Variants in ANKRD12 observed in about 807,000 individuals in gnomAD.
ANKRD12 encodes the protein ankyrin repeat domain 12.
A neutral mutation model predicts 183.4 loss-of-function variants in ANKRD12; 85 were observed. The observed-to-expected ratio is 0.46, with a 90% CI of 0.39 to 0.56. ANKRD12 has a LOEUF of 0.56. ANKRD12 is among the 20% of genes least tolerant of loss of function. ANKRD12 has a pLI of 0.00. For missense variants in ANKRD12, 2,405 were observed against 2,357.1 expected (o/e 1.02, Z -0.42); for synonymous variants, 914 against 800.2 (o/e 1.14, Z -2.40).
At chr18:9,241,542 G>GGT (rs1250078344) in intron 8 of ANKRD12, among the ~76,000 whole-genome samples, 2 of 152,108 alleles carry the variant, frequency 1.3e-5, no homozygotes, top group African/African-American at 4.8e-5. Flanking sequence ...CATCAAGTTT[G>GGT]GTGTTCAGCA....
chr18:9,196,733 A>ATT (rs2034849135), intron 3 of ANKRD12, among the ~76,000 whole-genome samples: 1 of 152,192 alleles, frequency 6.6e-6, no homozygotes, highest in Non-Finnish European at 1.5e-5. Context: ...AATTGTTCTT[A>ATT]AACACTCATG....
intron 7 of ANKRD12, among the ~76,000 whole-genome samples, chr18:9,220,141 A>G (rs1010288333): frequency 4.6e-5 from 7 of 152,236 alleles, no homozygotes; most frequent in African/African-American, 1.4e-4. Context: ...TCATTCTTAA[A>G]TAATTTGTTA....
At chr18:9,280,714 A>G (rs555110855) in intron 12 of ANKRD12, among the ~76,000 whole-genome samples, 2 of 152,126 alleles carry the variant, frequency 1.3e-5, no homozygotes, top group East Asian at 3.9e-4. Flanking sequence ...GCTTGAACCC[A>G]GGAGGCGGAG....
At chr18:9,154,551 G>T (rs1396804379) in intron 1 of ANKRD12, among the ~76,000 whole-genome samples, 1 of 152,124 alleles carries the variant, frequency 6.6e-6, no homozygotes, top group Non-Finnish European at 1.5e-5. Flanking sequence ...AGTGAAACTC[G>T]TCTCTTAAAA....
intron 8 of ANKRD12, among the ~76,000 whole-genome samples, chr18:9,250,812 A>C (rs2038248805): frequency 6.6e-6 from 1 of 152,214 alleles, no homozygotes; most frequent in Non-Finnish European, 1.5e-5. Context: ...GAGATTTTAA[A>C]ATTTGAATAG....
chr18:9,190,005 G>A (rs2034353654), intron 2 of ANKRD12, among the ~76,000 whole-genome samples: 1 of 152,196 alleles, frequency 6.6e-6, no homozygotes, highest in African/African-American at 2.4e-5. Context: ...TGATTCCTCT[G>A]ATGGATTTGG....
At chr18:9,175,206 A>G (rs1241586619) in intron 1 of ANKRD12, among the ~76,000 whole-genome samples, 1 of 152,160 alleles carries the variant, frequency 6.6e-6, no homozygotes, top group African/African-American at 2.4e-5. Flanking sequence ...AGTGATCTCA[A>G]AATAGACTTT....
At chr18:9,152,670 T>G (rs911531469) in intron 1 of ANKRD12, among the ~76,000 whole-genome samples, 1 of 152,122 alleles carries the variant, frequency 6.6e-6, no homozygotes, top group Non-Finnish European at 1.5e-5. Context: ...AAAAATTTTT[T>G]TCTGCCTTCT....
chr18:9,252,166 G>A (rs2038334655), intron 8 of ANKRD12, among the ~76,000 whole-genome samples: 1 of 152,154 alleles, frequency 6.6e-6, no homozygotes, highest in African/African-American at 2.4e-5. Context: ...AACATTTTTT[G>A]AAGAGTTACT....
chr18:9,201,011 G>A (rs2035132930), intron 3 of ANKRD12, among the ~76,000 whole-genome samples: 1 of 152,260 alleles, frequency 6.6e-6, no homozygotes, highest in East Asian at 1.9e-4. Flanking sequence ...GGACAAAAGT[G>A]TCTTTTTCCT....
rs199871702 is a variant in ANKRD12, at chr18:9,281,146, G to T, written c.*20G>T. On this transcript the variant is annotated 3_prime_UTR_variant, in exon 13 of 13. Transcript: ENST00000262126. ...ATATAGCAGTCAGTACTTCCTGATG[G>T]TATTGTCCTAAACTGGTGATGCTCA... The T allele has an allele frequency of 4.4e-4, 700 of 1,602,126 alleles. 3 individuals carry two copies. In the Middle Eastern group the frequency reaches 5.3e-3, roughly 12 times the overall value.
Position 9,138,537 on chromosome 18 carries a change from CAAACAA to C in ANKRD12, c.-52+1574_-52+1579del, listed in dbSNP as rs575250315. Among the ~76,000 whole-genome samples, 267 of 152,246 alleles carry C rather than the reference CAAACAA, an allele frequency of 1.8e-3. 2 individuals carry two copies. Among genetic ancestry groups the C allele is most frequent in the African/African-American group, 6.2e-3 (258 of 41,548 alleles). ...GCAAAAACATACCAAAACAAACAAA[CAAACAA>C]ACAAAAAAACATATGCTCAAGTAGG... On this transcript the variant is annotated intron_variant, in intron 1 of 12. Transcript: ENST00000262126.
chr18:9,222,139 C>T, intron 8 of ANKRD12, 140 bp downstream of exon 8: 1 of 1,055,894 alleles, frequency 9.5e-7, no homozygotes. Flanking sequence ...AGCTAACTAG[C>T]TAAGAATGAT....
intron 1 of ANKRD12, among the ~76,000 whole-genome samples, chr18:9,181,823 G>A (rs959218026): frequency 1.3e-5 from 2 of 152,036 alleles, no homozygotes; most frequent in East Asian, 3.9e-4. Context: ...GAACAAATTG[G>A]AAATAAAATA....
intron 3 of ANKRD12, among the ~76,000 whole-genome samples, chr18:9,199,103 G>A (rs998298441): frequency 5.3e-5 from 8 of 152,150 alleles, no homozygotes; most frequent in African/African-American, 1.9e-4. Flanking sequence ...GACCAGATTG[G>A]CCAGCAGAGT....
At chr18:9,185,843 G>A (rs1462862362) in intron 2 of ANKRD12, among the ~76,000 whole-genome samples, 1 of 152,202 alleles carries the variant, frequency 6.6e-6, no homozygotes, top group Non-Finnish European at 1.5e-5. Context: ...GAGGAAAGAT[G>A]AGGCCATTGA....
At chr18:9,142,001 GTCC>G (rs2078332188) in intron 1 of ANKRD12, among the ~76,000 whole-genome samples, 1 of 152,072 alleles carries the variant, frequency 6.6e-6, no homozygotes, top group Non-Finnish European at 1.5e-5. Flanking sequence ...ACCTCAAACA[GTCC>G]TCCTGCTTCA....
chr18:9,140,451 C>G (rs1468804816), intron 1 of ANKRD12, among the ~76,000 whole-genome samples: 2 of 152,112 alleles, frequency 1.3e-5, no homozygotes, highest in African/African-American at 4.8e-5. Context: ...GTCTGACTTT[C>G]CCTGGAGAAT....
At chr18:9,168,018 A>G (rs1000046153) in intron 1 of ANKRD12, among the ~76,000 whole-genome samples, 4 of 152,132 alleles carry the variant, frequency 2.6e-5, no homozygotes, top group Admixed American at 6.6e-5. Context: ...GCTGGCTTAC[A>G]TTTATTGATT....
Sources: gnomAD v4.1 joint callset for allele counts (sites outside exome capture counted in the v4.1 genomes callset) on GRCh38, gnomAD v4.1.1 for gene constraint, MANE v1.5 for transcripts, NCBI Gene and HGNC (gene_info 2026-07-23, HGNC 2026-07-21) for gene names.